Variants in COL5A2 observed in about 807,000 individuals in gnomAD.
COL5A2 encodes the protein collagen alpha-2(V) chain.
Under a neutral mutation model 208.2 loss-of-function variants are expected in COL5A2, and 23 were observed. The observed-to-expected ratio is 0.11, with a 90% CI of 0.08 to 0.16. The LOEUF (loss-of-function observed/expected upper bound fraction) is 0.16, where lower values mean the gene tolerates loss of function less well. Among genes scored for constraint, COL5A2 ranks in the 10% least tolerant of loss-of-function variants. COL5A2 has a pLI of 1.00. For synonymous variants in COL5A2, 625 were observed against 628.5 expected, an observed-to-expected ratio of 0.99 and a Z score of 0.08; for missense variants, 1,590 against 1,956.4, an observed-to-expected ratio of 0.81 and a Z score of 3.53.
chr2:189,276,774 T>C, the COL5A2 span, among the ~76,000 whole-genome samples: 3 of 152,204 alleles, frequency 2.0e-5, no homozygotes, highest in Non-Finnish European at 4.4e-5. Flanking sequence ...TTATTTTCTC[T>C]TTTGCAATGA....
At chr2:189,204,690 A>T (rs1323696955) in intron 1 of COL5A2, among the ~76,000 whole-genome samples, 2 of 152,224 alleles carry the variant, frequency 1.3e-5, no homozygotes, top group Non-Finnish European at 2.9e-5. Context: ...CAAAGACCAC[A>T]AACAGGTTCC....
At chr2:189,087,854 C>G (rs1686698602) in intron 8 of COL5A2, among the ~76,000 whole-genome samples, 2 of 151,542 alleles carry the variant, frequency 1.3e-5, no homozygotes, top group Non-Finnish European at 2.9e-5. Context: ...AAAAAAACCA[C>G]ACATATGTAA....
chr2:189,157,070 T>C (rs1461246364), intron 1 of COL5A2, among the ~76,000 whole-genome samples: 1 of 100,684 alleles, frequency 9.9e-6, no homozygotes, highest in Non-Finnish European at 1.9e-5. Flanking sequence ...AGTAGTTAAA[T>C]ATTCTGCAAA....
chr2:189,382,421 GA>G, the COL5A2 span, among the ~76,000 whole-genome samples: 1 of 152,002 alleles, frequency 6.6e-6, no homozygotes, highest in African/African-American at 2.4e-5. Context: ...AAAAGTAAAT[GA>G]AATTATAGCA....
the COL5A2 span, among the ~76,000 whole-genome samples, chr2:189,331,731 C>T: frequency 2.0e-5 from 3 of 151,920 alleles, no homozygotes; most frequent in African/African-American, 7.3e-5. Context: ...CATATATATA[C>T]TAATTTTAAA....
chr2:189,194,946 C>T (rs1336377781), intron 1 of COL5A2, among the ~76,000 whole-genome samples: 3 of 152,078 alleles, frequency 2.0e-5, no homozygotes, highest in Admixed American at 6.5e-5. Flanking sequence ...CAAGGATGAA[C>T]ATAGTGCTAG....
At chr2:189,262,985 T>C in the COL5A2 span, among the ~76,000 whole-genome samples, 1 of 152,114 alleles carries the variant, frequency 6.6e-6, no homozygotes, top group Non-Finnish European at 1.5e-5. Flanking sequence ...ATTAAAACTA[T>C]TCAGAAAATA....
At chr2:189,110,110 A>T (rs1327993314) in intron 2 of COL5A2, 115 bp downstream of exon 2, 2 of 824,500 alleles carry the variant, frequency 2.4e-6, no homozygotes, top group Non-Finnish European at 4.2e-6. Context: ...CCCAAAAGCC[A>T]CCAAAAAAGC....
chr2:189,343,992 T>C, the COL5A2 span, among the ~76,000 whole-genome samples: 3 of 152,224 alleles, frequency 2.0e-5, no homozygotes, highest in East Asian at 5.8e-4. Context: ...ATTACTTAAA[T>C]CATGTGAACT....
chr2:189,038,846 C>T (rs1011531703), intron 51 of COL5A2, among the ~76,000 whole-genome samples: 5 of 152,118 alleles, frequency 3.3e-5, no homozygotes, highest in Admixed American at 6.5e-5. Context: ...CCCGCCACCA[C>T]GCCTGACTAA....
intron 1 of COL5A2, among the ~76,000 whole-genome samples, chr2:189,192,178 T>C (rs1688939983): frequency 2.6e-5 from 4 of 152,190 alleles, no homozygotes; most frequent in African/African-American, 9.7e-5. Context: ...ACCAGATCTG[T>C]AAAGTAAAAT....
At chr2:189,430,608 G>A in the COL5A2 span, among the ~76,000 whole-genome samples, 38 of 152,366 alleles carry the variant, frequency 2.5e-4, no homozygotes, top group Non-Finnish European at 4.7e-4. Context: ...AGCAGTCTGA[G>A]ATCAAACTCA....
intron 3 of COL5A2, 89 bp from the exon 4 acceptor site, chr2:189,100,228 A>G (rs1687021087): frequency 1.0e-6 from 1 of 964,142 alleles, no homozygotes; most frequent in Non-Finnish European, 1.6e-6. Flanking sequence ...TATGCCATGT[A>G]AACACAGGGA....
intron 1 of COL5A2, among the ~76,000 whole-genome samples, chr2:189,193,939 A>G (rs1191957924): frequency 6.6e-6 from 1 of 152,190 alleles, no homozygotes; most frequent in Non-Finnish European, 1.5e-5. Context: ...AGACTCAAAA[A>G]TGAAAAATAA....
chr2:189,097,308 G>A lies in COL5A2; in HGVS notation c.425C>T (p.Pro142Leu), dbSNP rs1686939125. 1.2e-6 allele frequency: 2 copies of A among 1,613,992 alleles called. No individual in the cohort carries two copies. The highest frequency in any genetic ancestry group is 2.2e-5 in the South Asian group (2 of 91,076). ...TCCTTTTGGCCCTCGCTCTCCTCTT[G>A]GTCCCTGTGATCCTGGAGGTCCCTA... ...GPAGPPGSQG[P>L]RGERGPKGRP... is the part of the protein sequence containing the mutation. Residue 142 changes from proline (P) to leucine (L), a missense_variant, in exon 6 of 54, where the codon CCA (proline) becomes CTA (leucine). Pro to Leu is a moderately conservative substitution (Grantham distance 98). Coordinates refer to ENST00000374866, the MANE Select transcript of COL5A2 (RefSeq NM_000393.5).
chr2:189,191,162 A>AAAAAAAAAAAAAAAAAAAAAAAAAC (rs374376776), intron 1 of COL5A2, among the ~76,000 whole-genome samples: 2 of 73,794 alleles, frequency 2.7e-5, no homozygotes, highest in Non-Finnish European at 7.2e-5. Context: ...CAAAAAACAA[A>AAAAAAAAAAAAAAAAAAAAAAAAAC]CAAACAACAA....
chr2:189,214,700 G>C (rs1287936132), intron 1 of COL5A2, among the ~76,000 whole-genome samples: 1 of 152,126 alleles, frequency 6.6e-6, no homozygotes, highest in African/African-American at 2.4e-5. Context: ...AGGCAGGGCA[G>C]GCAAGACAAA....
chr2:189,426,474 T>C, the COL5A2 span, among the ~76,000 whole-genome samples: 1 of 152,210 alleles, frequency 6.6e-6, no homozygotes, highest in South Asian at 2.1e-4. Flanking sequence ...CTTCGAGTTT[T>C]CCCATCTTTT....
At chr2:189,418,263 A>G in the COL5A2 span, among the ~76,000 whole-genome samples, 4 of 152,196 alleles carry the variant, frequency 2.6e-5, no homozygotes, top group Non-Finnish European at 4.4e-5. Context: ...ATTTCCTGAA[A>G]CTTTTCTATC....
Sources: gnomAD v4.1 joint callset for allele counts (sites outside exome capture counted in the v4.1 genomes callset) on GRCh38, gnomAD v4.1.1 for gene constraint, MANE v1.5 for transcripts, NCBI Gene and HGNC (gene_info 2026-07-23, HGNC 2026-07-21) for gene names.